FAM81B: variants seen among roughly 807,000 people sequenced by gnomAD.
FAM81B encodes family with sequence similarity 81 member B, also known as protein FAM81B.
A neutral mutation model predicts 58.7 loss-of-function variants in FAM81B; 60 were observed. The ratio of observed to expected loss-of-function variants is 1.02; its 90% CI spans 0.83 to 1.27. The LOEUF is 1.27. Ranked by LOEUF, FAM81B falls within the 50% of genes most tolerant of loss-of-function variation. The pLI is 0.00. For missense variants in FAM81B, 491 were observed against 522.0 expected (o/e 0.94, Z 0.58); for synonymous variants, 189 against 179.6 (o/e 1.05, Z -0.42).
chr5:95,426,497 G>C (rs1356217888), intron 5 of FAM81B, among the ~76,000 whole-genome samples: 1 of 152,118 alleles, frequency 6.6e-6, no homozygotes, highest in Admixed American at 6.5e-5. Flanking sequence ...GGTACTCCCC[G>C]TGTCAGGCAC....
At chr5:95,426,088 C>G (rs956170244) in intron 5 of FAM81B, among the ~76,000 whole-genome samples, 1 of 90,296 alleles carries the variant, frequency 1.1e-5, no homozygotes, top group Non-Finnish European at 2.0e-5. Flanking sequence ...CTTCCTATCT[C>G]TGTGTGTATA....
intron 7 of FAM81B, chr5:95,440,232 A>C (rs2152769600): frequency 1.5e-6 from 1 of 685,178 alleles, no homozygotes; most frequent in Non-Finnish European, 2.8e-6. Context: ...TCTAGCTGTG[A>C]GGCTTGAATA....
chr5:95,409,053 A>T (rs1164463713), intron 3 of FAM81B, among the ~76,000 whole-genome samples: 1 of 152,252 alleles, frequency 6.6e-6, no homozygotes, highest in Non-Finnish European at 1.5e-5. Context: ...AAGAATGTAA[A>T]ATATTCCATT....
At chr5:95,399,480 GCC>G (rs112271049) in intron 3 of FAM81B, among the ~76,000 whole-genome samples, 16 of 150,018 alleles carry the variant, frequency 1.1e-4, no homozygotes, top group African/African-American at 3.9e-4. Flanking sequence ...TTCTTTTCAT[GCC>G]CCCCCCCACC....
At chr5:95,421,959 C>A (rs1300751155) in intron 5 of FAM81B, among the ~76,000 whole-genome samples, 1 of 151,992 alleles carries the variant, frequency 6.6e-6, no homozygotes, top group African/African-American at 2.4e-5. Flanking sequence ...GCAATTATAA[C>A]AAGGAAGTGG....
intron 7 of FAM81B, among the ~76,000 whole-genome samples, chr5:95,437,124 C>T (rs567785329): frequency 6.6e-6 from 1 of 152,154 alleles, no homozygotes; most frequent in South Asian, 2.1e-4. Context: ...ACTTTGACTG[C>T]ACAATATCTC....
At chr5:95,448,132 A>G (rs1745653628) in intron 8 of FAM81B, 137 bp from the exon 9 acceptor site, 3 of 755,982 alleles carry the variant, frequency 4.0e-6, no homozygotes, top group Admixed American at 3.1e-5. Context: ...ACTTATGAAC[A>G]CAGTTTTAGA....
intron 4 of FAM81B, among the ~76,000 whole-genome samples, chr5:95,414,610 T>G (rs1762489797): frequency 6.6e-6 from 1 of 152,194 alleles, no homozygotes; most frequent in African/African-American, 2.4e-5. Context: ...CTACCCTTCT[T>G]TCCTTCACTC....
In FAM81B at chr5:95,391,530, C is replaced by T. The variant is rs779314255; in HGVS notation, c.124+17C>T. ...TGAGTTCAGGTACTTATGGACTATT[C>T]GAGGTCTCTAAATTTCTCCTACTTC... On this transcript the variant is annotated intron_variant, in intron 1 of 9. Transcript: ENST00000283357. The T allele has an allele frequency of 1.1e-5, 18 of 1,591,428 alleles. No homozygotes were observed. Among genetic ancestry groups the T allele is most frequent in the Admixed American group, 7.3e-5 (4 of 54,726 alleles).
At chr5:95,425,102 A>G (rs1203442521) in intron 5 of FAM81B, among the ~76,000 whole-genome samples, 1 of 151,982 alleles carries the variant, frequency 6.6e-6, no homozygotes, top group African/African-American at 2.4e-5. Context: ...AAATTGTCGT[A>G]TGACAGGCAA....
At chr5:95,432,282 G>A (rs1744933866) in intron 6 of FAM81B, among the ~76,000 whole-genome samples, 1 of 152,016 alleles carries the variant, frequency 6.6e-6, no homozygotes, top group Non-Finnish European at 1.5e-5. Context: ...GCAGGATAAT[G>A]TTTGCTGACA....
Position 95,442,984 on chromosome 5 carries a change from A to G in FAM81B, c.894-3578A>G, listed in dbSNP as rs191321549. ...GGCCACTAATTCTTTTTACATTCAC[A>G]CTTGGTCAAAGCCCTATCTAAGTTC... On this transcript the variant is annotated intron_variant, in intron 7 of 9. Coordinates refer to ENST00000283357, the MANE Select transcript of FAM81B (RefSeq NM_152548.3). Among the ~76,000 whole-genome samples the G allele has an allele frequency of 1.8e-3, 268 of 152,312 alleles. 1 individual carries two copies. Among genetic ancestry groups the G allele is most frequent in the Non-Finnish European group, 2.2e-3 (149 of 68,016 alleles).
intron 3 of FAM81B, among the ~76,000 whole-genome samples, chr5:95,413,594 A>C (rs767193839): frequency 6.6e-6 from 1 of 152,166 alleles, no homozygotes; most frequent in East Asian, 1.9e-4. Flanking sequence ...TCTCTAACAC[A>C]GTCACTTTTG....
chr5:95,432,917 G>T (rs533150490), intron 6 of FAM81B, among the ~76,000 whole-genome samples: 33 of 151,734 alleles, frequency 2.2e-4, no homozygotes, highest in Non-Finnish European at 2.9e-4. Flanking sequence ...TTGCCTGCAG[G>T]GTATTTTGTT....
chr5:95,413,880 C>T (rs1561297801), intron 3 of FAM81B, 67 bp from the exon 4 acceptor site: 1 of 1,532,090 alleles, frequency 6.5e-7, no homozygotes, highest in Non-Finnish European at 8.7e-7. Context: ...GATTCTAGTT[C>T]TGGTTCCTGG....
In FAM81B at chr5:95,436,746, T is replaced by C. The variant is rs374176345; in HGVS notation, c.787-54T>C. ...TCCTTAAAGGAATAAAGTATATTAA[T>C]GTGAATGCTGGTGGTTTTGTTCATA... On this transcript the variant is annotated intron_variant, in intron 6 of 9. Coordinates refer to ENST00000283357, the MANE Select transcript of FAM81B (RefSeq NM_152548.3). 31 of 1,116,448 alleles carry C rather than the reference T, an allele frequency of 2.8e-5. 1 individual carries two copies. The South Asian group carries it at 3.4e-4, about 12-fold the overall frequency. 69.2% of individuals were successfully genotyped at this position (1,116,448 alleles called of 1,614,324 possible).
chr5:95,426,398 G>A (rs1762831000), intron 5 of FAM81B, among the ~76,000 whole-genome samples: 2 of 152,236 alleles, frequency 1.3e-5, no homozygotes, highest in African/African-American at 2.4e-5. Flanking sequence ...TGTGGGATTA[G>A]GCTAGTGGGT....
intron 2 of FAM81B, among the ~76,000 whole-genome samples, chr5:95,395,333 C>CTT (rs1483503670): frequency 9.3e-5 from 14 of 150,874 alleles, no homozygotes; most frequent in African/African-American, 3.4e-4. Context: ...GTCCCAGCTA[C>CTT]GCAGGAGGCT....
chr5:95,414,017 G>A lies in FAM81B; in HGVS notation c.364G>A (p.Ala122Thr). The A allele has an allele frequency of 6.2e-7, 1 of 1,613,974 alleles. No homozygotes were observed. The highest frequency in any genetic ancestry group is 8.5e-7 in the Non-Finnish European group (1 of 1,179,998). ...GCTAGAAGACAGACTGAACAACCAGGCGCGTACCATAGCTTTCCTTCTTGA... is the reference window on the plus strand; with the variant it reads ...GCTAGAAGACAGACTGAACAACCAGACGCGTACCATAGCTTTCCTTCTTGA... ...GQLEDRLNNQ[A>T]RTIAFLLEQA... The change falls in exon 4 of 10, where the codon GCG (alanine) becomes ACG (threonine). Residue 122 changes from alanine to threonine, a missense_variant. Ala to Thr is a moderately conservative substitution (Grantham distance 58). Coordinates refer to ENST00000283357, the MANE Select transcript of FAM81B (RefSeq NM_152548.3).
Sources: gnomAD v4.1 joint callset for allele counts (sites outside exome capture counted in the v4.1 genomes callset) on GRCh38, gnomAD v4.1.1 for gene constraint, MANE v1.5 for transcripts, NCBI Gene and HGNC (gene_info 2026-07-23, HGNC 2026-07-21) for gene names.